The following ADGRL3 variants were observed in gnomAD, a reference collection of about 807,000 sequenced individuals.
ADGRL3 encodes the protein adhesion G protein-coupled receptor L3.
Under a neutral mutation model 153.5 loss-of-function variants are expected in ADGRL3, and 62 were observed. The ratio of observed to expected loss-of-function variants is 0.40; its 90% CI spans 0.33 to 0.50. ADGRL3 has a LOEUF of 0.50. ADGRL3 is among the 20% of genes least tolerant of loss of function. The probability of loss-of-function intolerance (pLI) is 0.47; values close to 1 mark genes in which losing one functional copy is unlikely to be tolerated. For missense variants in ADGRL3, 1,641 were observed against 1,859.4 expected (o/e 0.88, Z 2.16); for synonymous variants, 710 against 672.5 (o/e 1.06, Z -0.86).
chr4:62,024,558 T>C (rs1717214372), intron 21 of ADGRL3, among the ~76,000 whole-genome samples: 1 of 152,258 alleles, frequency 6.6e-6, no homozygotes, highest in South Asian at 2.1e-4. Context: ...TTTGAAGAAT[T>C]TTTAATATCT....
chr4:61,811,101 A>G (rs145469632), intron 8 of ADGRL3, among the ~76,000 whole-genome samples: 320 of 152,260 alleles, frequency 2.1e-3, no homozygotes, highest in African/African-American at 7.4e-3. Flanking sequence ...AAGTTTACCC[A>G]TAACATTACC....
chr4:61,748,953 C>T (rs1246169355), intron 8 of ADGRL3, among the ~76,000 whole-genome samples: 2 of 150,956 alleles, frequency 1.3e-5, no homozygotes, highest in Non-Finnish European at 2.9e-5. Flanking sequence ...ATTTTCGCAA[C>T]CTACTCATCT....
intron 1 of ADGRL3, among the ~76,000 whole-genome samples, chr4:61,351,278 T>C (rs561375598): frequency 6.6e-6 from 1 of 152,176 alleles, no homozygotes; most frequent in Non-Finnish European, 1.5e-5. Context: ...AAGAAAAGTT[T>C]GAAACTAGCA....
At chr4:61,538,124 T>A (rs2098668281) in intron 4 of ADGRL3, among the ~76,000 whole-genome samples, 1 of 152,166 alleles carries the variant, frequency 6.6e-6, no homozygotes, top group Non-Finnish European at 1.5e-5. Context: ...TGGCTTCAGT[T>A]GGATGGGAAA....
chr4:61,842,858 A>C (rs899636074), intron 9 of ADGRL3, among the ~76,000 whole-genome samples: 1 of 152,208 alleles, frequency 6.6e-6, no homozygotes, highest in Non-Finnish European at 1.5e-5. Flanking sequence ...GTGAATGCAT[A>C]TAGTCTACAC....
intron 1 of ADGRL3, among the ~76,000 whole-genome samples, chr4:61,237,062 T>C (rs1753125126): frequency 6.6e-6 from 1 of 152,174 alleles, no homozygotes; most frequent in Non-Finnish European, 1.5e-5. Flanking sequence ...TCCCAATTCA[T>C]ATTTTTATAT....
At chr4:62,012,954 G>A (rs1043731071) in intron 21 of ADGRL3, among the ~76,000 whole-genome samples, 4 of 152,142 alleles carry the variant, frequency 2.6e-5, no homozygotes, top group African/African-American at 9.7e-5. Flanking sequence ...AAAAGTCACT[G>A]AGGTAAATGT....
At position 61,948,187 on chromosome 4, in the gene ADGRL3, C is replaced by T. The variant is rs1253896944; in HGVS notation, c.2716C>T (p.Arg906Trp). The T allele has an allele frequency of 8.1e-6, 13 of 1,613,692 alleles. No homozygotes were observed. The highest frequency in any genetic ancestry group is 9.3e-6 in the Non-Finnish European group (11 of 1,179,782). ...AGGTTATTGGTCAACACAAGGCTGT[C>T]GGCTCCTGACAACAAATAAGACACA... is the stretch of plus-strand genomic sequence containing the variant. Reference protein sequence around the residue: ...MTGYWSTQGCRLLTTNKTHTT... With the variant: ...MTGYWSTQGCWLLTTNKTHTT... The change falls in exon 17 of 27, where the codon CGG becomes TGG. Residue 906 changes from arginine (R) to tryptophan (W), a missense_variant. Coordinates refer to ENST00000683033, the MANE Select transcript of ADGRL3 (RefSeq NM_001387552.1).
At chr4:61,631,390 T>C (rs1374100408) in intron 5 of ADGRL3, among the ~76,000 whole-genome samples, 1 of 152,230 alleles carries the variant, frequency 6.6e-6, no homozygotes, top group Non-Finnish European at 1.5e-5. Context: ...AAAAGTTCTA[T>C]AATAAAGAAA....
intron 2 of ADGRL3, among the ~76,000 whole-genome samples, chr4:61,423,783 A>C (rs923106264): frequency 6.6e-6 from 1 of 152,144 alleles, no homozygotes; most frequent in Non-Finnish European, 1.5e-5. Context: ...TTGTTTTGGA[A>C]TTTAGAACCA....
intron 2 of ADGRL3, among the ~76,000 whole-genome samples, chr4:61,455,637 GCTATT>G (rs1316000949): frequency 6.6e-6 from 1 of 151,786 alleles, no homozygotes; most frequent in Non-Finnish European, 1.5e-5. Context: ...ACTGAACTCT[GCTATT>G]CTATTTCATT....
intron 6 of ADGRL3, among the ~76,000 whole-genome samples, chr4:61,703,311 A>G (rs914012720): frequency 5.9e-5 from 9 of 152,030 alleles, no homozygotes; most frequent in Non-Finnish European, 8.8e-5. Context: ...TATTTTTTTC[A>G]GTACTCTAGT....
intron 2 of ADGRL3, among the ~76,000 whole-genome samples, chr4:61,488,414 T>G (rs1374864359): frequency 6.6e-6 from 1 of 152,016 alleles, no homozygotes; most frequent in Non-Finnish European, 1.5e-5. Flanking sequence ...ATGTTTTGGG[T>G]AACCTTAAAA....
chr4:61,510,193 C>A (rs1164574787), intron 3 of ADGRL3, among the ~76,000 whole-genome samples: 1 of 152,136 alleles, frequency 6.6e-6, no homozygotes, highest in African/African-American at 2.4e-5. Flanking sequence ...CAAATATTTT[C>A]TCTCATTCTG....
At chr4:62,032,069 C>T (rs1228514948) in intron 23 of ADGRL3, among the ~76,000 whole-genome samples, 3 of 151,142 alleles carry the variant, frequency 2.0e-5, no homozygotes, top group African/African-American at 7.3e-5. Flanking sequence ...CACTAGTTTA[C>T]ATTAGAACAT....
At chr4:61,758,084 G>C (rs1308206684) in intron 8 of ADGRL3, among the ~76,000 whole-genome samples, 1 of 152,178 alleles carries the variant, frequency 6.6e-6, no homozygotes, top group Non-Finnish European at 1.5e-5. Flanking sequence ...GTGCACAGAA[G>C]AATGTATATT....
At chr4:61,543,909 G>C (rs970244421) in intron 4 of ADGRL3, among the ~76,000 whole-genome samples, 3 of 151,958 alleles carry the variant, frequency 2.0e-5, no homozygotes, top group Middle Eastern at 3.2e-3. Flanking sequence ...TTCATCTTAG[G>C]CATATACCAC....
chr4:61,936,908 A>G (rs2098841471), intron 15 of ADGRL3, among the ~76,000 whole-genome samples: 1 of 152,060 alleles, frequency 6.6e-6, no homozygotes, highest in African/African-American at 2.4e-5. Context: ...ACTTAATACT[A>G]ATATTTCATA....
At chr4:61,726,266 T>C (rs2096342635) in intron 6 of ADGRL3, among the ~76,000 whole-genome samples, 1 of 146,032 alleles carries the variant, frequency 6.8e-6, no homozygotes, top group Non-Finnish European at 1.5e-5. Context: ...TGGCGCGATC[T>C]TGGCTCACTG....
Sources: gnomAD v4.1 joint callset for allele counts (sites outside exome capture counted in the v4.1 genomes callset) on GRCh38, gnomAD v4.1.1 for gene constraint, MANE v1.5 for transcripts, NCBI Gene and HGNC (gene_info 2026-07-23, HGNC 2026-07-21) for gene names.